ATP13A5: variants seen among roughly 807,000 people sequenced by gnomAD.
The protein encoded by ATP13A5 is ATPase 13A5, also known as probable cation-transporting ATPase 13A5.
In ATP13A5, 149 loss-of-function variants were observed where a neutral mutation model predicts 150.2. The ratio of observed to expected loss-of-function variants is 0.99; its 90% CI spans 0.87 to 1.14. The LOEUF (loss-of-function observed/expected upper bound fraction) is 1.14, where lower values mean the gene tolerates loss of function less well. Among genes scored for constraint, ATP13A5 ranks in the 50% most tolerant of loss-of-function variants. The pLI is 0.00. For missense variants in ATP13A5, 1,383 were observed against 1,449.3 expected (o/e 0.95, Z 0.74); for synonymous variants, 497 against 522.2 (o/e 0.95, Z 0.66).
In ATP13A5 at chr3:193,324,937, T is replaced by A. The variant is rs774886167; in HGVS notation, c.1601A>T (p.His534Leu). The A allele has an allele frequency of 2.5e-6, 4 of 1,613,980 alleles. No individual in the cohort carries two copies. Among genetic ancestry groups the A allele is most frequent in the South Asian group, 2.2e-5 (2 of 91,084 alleles). Residue 534 changes from histidine to leucine, a missense_variant, in exon 14 of 30, where the codon CAC becomes CTC. By Grantham distance (99) the His-to-Leu change is moderately conservative. This residue lies in a region of ATP13A5 where 787 missense variants were observed against 771.9 expected (regional missense o/e 1.02). Coordinates refer to ENST00000342358, the MANE Select transcript of ATP13A5 (RefSeq NM_198505.4). Reference sequence around the variant, plus strand: ...GGTCCCATTGAGAAGGATCAGAGAGTGGCAGCTGGCCATGGCCGCACACAG... The same window carrying A: ...GGTCCCATTGAGAAGGATCAGAGAGAGGCAGCTGGCCATGGCCGCACACAG... ...SPLCAAMASC[H>L]SLILLNGTIQ... is the part of the protein sequence containing the mutation.
intron 23 of ATP13A5, among the ~76,000 whole-genome samples, chr3:193,304,490 T>G (rs1289775615): frequency 6.6e-6 from 1 of 152,222 alleles, no homozygotes. Context: ...GCTGGGGAAC[T>G]TCATGGCTGT....
At chr3:193,307,078 A>C in intron 22 of ATP13A5, 1 of 983,562 alleles carries the variant, frequency 1.0e-6, no homozygotes, top group Non-Finnish European at 1.2e-6. Context: ...TGGAACCTGA[A>C]ATATGGGAGT....
intron 7 of ATP13A5, 50 bp from the exon 8 acceptor site, chr3:193,345,125 A>G: frequency 6.6e-7 from 1 of 1,521,808 alleles, no homozygotes; most frequent in Non-Finnish European, 9.1e-7. Context: ...ATGTTCTGAA[A>G]ACCACATGAT....
intron 1 of ATP13A5, among the ~76,000 whole-genome samples, chr3:193,376,495 A>G (rs1431336117): frequency 6.6e-6 from 1 of 152,128 alleles, no homozygotes; most frequent in Non-Finnish European, 1.5e-5. Flanking sequence ...TACAGGCATG[A>G]GCCACCATGC....
At chr3:193,365,645 T>G (rs1205288778) in intron 1 of ATP13A5, among the ~76,000 whole-genome samples, 1 of 152,130 alleles carries the variant, frequency 6.6e-6, no homozygotes, top group Non-Finnish European at 1.5e-5. Context: ...TACAGAAGCT[T>G]ACTGCCAAAG....
intron 5 of ATP13A5, among the ~76,000 whole-genome samples, chr3:193,355,789 C>T (rs746141133): frequency 1.3e-5 from 2 of 152,170 alleles, no homozygotes; most frequent in Non-Finnish European, 2.9e-5. Flanking sequence ...GGGCAATAAT[C>T]TGTTGTTAAG....
At chr3:193,348,060 A>G (rs571116798) in intron 7 of ATP13A5, among the ~76,000 whole-genome samples, 3 of 152,288 alleles carry the variant, frequency 2.0e-5, no homozygotes, top group East Asian at 3.9e-4. Flanking sequence ...ACTTCTCCCA[A>G]CAACACTGGA....
At chr3:193,352,737 T>A (rs911771233) in intron 6 of ATP13A5, among the ~76,000 whole-genome samples, 1 of 152,150 alleles carries the variant, frequency 6.6e-6, no homozygotes, top group Admixed American at 6.6e-5. Flanking sequence ...GTCTAAAAAA[T>A]AAAGTTAAAA....
chr3:193,305,708 G>T, intron 22 of ATP13A5, 40 bp from the exon 23 acceptor site: 2 of 1,571,128 alleles, frequency 1.3e-6, no homozygotes, highest in South Asian at 2.2e-5. Flanking sequence ...GACTTTTCAG[G>T]TTAGGCTTTA....
At chr3:193,276,662 A>G in intron 29 of ATP13A5, 88 bp downstream of exon 29, 1 of 908,086 alleles carries the variant, frequency 1.1e-6, no homozygotes, top group South Asian at 1.6e-5. Flanking sequence ...TGGGGGATCA[A>G]AGTGGTTGCT....
intron 25 of ATP13A5, 129 bp from the exon 26 acceptor site, chr3:193,290,188 C>A (rs1331695545): frequency 5.6e-6 from 5 of 890,242 alleles, no homozygotes; most frequent in Non-Finnish European, 8.3e-6. Flanking sequence ...AGAAGATTTA[C>A]ACCTAGGTAA....
chr3:193,279,784 A>G (rs2108815190), intron 27 of ATP13A5, among the ~76,000 whole-genome samples: 1 of 151,972 alleles, frequency 6.6e-6, no homozygotes, highest in East Asian at 1.9e-4. Context: ...GCACCATCTC[A>G]TTCTTCCCCG....
chr3:193,322,854 A>C (rs1719334338), intron 14 of ATP13A5, among the ~76,000 whole-genome samples: 1 of 152,210 alleles, frequency 6.6e-6, no homozygotes, highest in Non-Finnish European at 1.5e-5. Flanking sequence ...TTTCTAAATG[A>C]TTACATCTAG....
intron 13 of ATP13A5, among the ~76,000 whole-genome samples, chr3:193,325,557 A>G (rs1358445282): frequency 6.6e-6 from 1 of 152,238 alleles, no homozygotes; most frequent in East Asian, 1.9e-4. Flanking sequence ...GCTGGGAGTC[A>G]TACCTGCAAA....
chr3:193,378,294 T>G (rs1422762038), intron 1 of ATP13A5, among the ~76,000 whole-genome samples: 1 of 152,172 alleles, frequency 6.6e-6, no homozygotes, highest in Admixed American at 6.5e-5. Context: ...AGCACGAGAA[T>G]AAAAAAGAGT....
intron 27 of ATP13A5, among the ~76,000 whole-genome samples, chr3:193,279,976 TAA>T (rs57617984): frequency 5.3e-4 from 32 of 59,900 alleles, no homozygotes; most frequent in African/African-American, 1.7e-3. Context: ...GTGTCTTTGT[TAA>T]AAAAAAAAAA....
intron 7 of ATP13A5, among the ~76,000 whole-genome samples, chr3:193,348,940 GT>G (rs761197596): frequency 6.6e-6 from 1 of 152,130 alleles, no homozygotes; most frequent in East Asian, 1.9e-4. Flanking sequence ...GTGTGAGTAA[GT>G]CCCTTCACCT....
intron 25 of ATP13A5, among the ~76,000 whole-genome samples, chr3:193,296,538 G>C (rs1246550344): frequency 1.3e-5 from 2 of 151,994 alleles, no homozygotes; most frequent in Non-Finnish European, 2.9e-5. Context: ...TGTTCCACTG[G>C]TCTCTGTGTC....
chr3:193,289,778 T>G, intron 26 of ATP13A5, 107 bp downstream of exon 26: 1 of 1,039,550 alleles, frequency 9.6e-7, no homozygotes. Context: ...AGCGACACAA[T>G]TTGATTAATT....
Sources: gnomAD v4.1 joint callset for allele counts (sites outside exome capture counted in the v4.1 genomes callset) on GRCh38, gnomAD v4.1.1 for gene constraint, gnomAD v4.1.1 regional missense constraint, MANE v1.5 for transcripts, NCBI Gene and HGNC (gene_info 2026-07-23, HGNC 2026-07-21) for gene names.